Variants in WWC2 observed in about 807,000 individuals in gnomAD.
The protein encoded by WWC2 is protein WWC2.
WWC2 carries 101 observed loss-of-function variants against 138.5 expected under a neutral mutation model. That is an observed-to-expected ratio of 0.73 (90% CI 0.62 to 0.86). The LOEUF (loss-of-function observed/expected upper bound fraction) is 0.86. WWC2 is among the 40% of genes least tolerant of loss of function. The probability of loss-of-function intolerance (pLI) is 0.00; values close to 1 mark genes in which losing one functional copy is unlikely to be tolerated. For missense variants in WWC2, 1,420 were observed against 1,419.4 expected (o/e 1.00, Z -0.01); for synonymous variants, 558 against 538.4 (o/e 1.04, Z -0.50).
chr4:183,175,112 A>G (rs569802432), intron 1 of WWC2, among the ~76,000 whole-genome samples: 2 of 152,324 alleles, frequency 1.3e-5, no homozygotes, highest in Admixed American at 1.3e-4. Flanking sequence ...TTTCCCAGGA[A>G]CAAAAATATT....
intron 21 of WWC2, among the ~76,000 whole-genome samples, chr4:183,306,090 C>T (rs958586203): frequency 4.6e-5 from 7 of 151,936 alleles, no homozygotes; most frequent in African/African-American, 1.7e-4. Context: ...AATACAAACT[C>T]CAGAGCAACC....
intron 21 of WWC2, among the ~76,000 whole-genome samples, chr4:183,297,162 C>T (rs1050966570): frequency 3.3e-5 from 5 of 151,584 alleles, no homozygotes; most frequent in South Asian, 2.1e-4. Context: ...TTGTAGAAAC[C>T]GGGTTTCACT....
intron 1 of WWC2, among the ~76,000 whole-genome samples, chr4:183,167,677 CAT>C (rs2111156701): frequency 6.6e-6 from 1 of 152,104 alleles, no homozygotes; most frequent in South Asian, 2.1e-4. Context: ...AAACAAAAAA[CAT>C]GGGTGATGGA....
chr4:183,206,200 T>A (rs1735443003), intron 2 of WWC2, among the ~76,000 whole-genome samples: 1 of 152,180 alleles, frequency 6.6e-6, no homozygotes, highest in Non-Finnish European at 1.5e-5. Flanking sequence ...TTGTCCAACA[T>A]CTGAAAACCA....
At chr4:183,245,112 A>G (rs1040379096) in intron 5 of WWC2, among the ~76,000 whole-genome samples, 6 of 151,802 alleles carry the variant, frequency 4.0e-5, no homozygotes, top group African/African-American at 1.5e-4. Context: ...CTGTAATCCC[A>G]GCTACTTGGG....
chr4:183,244,295 A>G (rs982661120), intron 5 of WWC2, among the ~76,000 whole-genome samples: 1 of 152,102 alleles, frequency 6.6e-6, no homozygotes, highest in Non-Finnish European at 1.5e-5. Flanking sequence ...ACATGAAACT[A>G]TTTTTTTAAA....
rs766487216 is a variant in WWC2, at chr4:183,282,846, G to A, written c.2823G>A (p.Arg941=). ...SVPEMNEDGN[R]KESNCAKDLR... ...CTGAGATGAATGAAGACGGGAACAGGAAAGAAAGCAACTGTGCCAAAGACC... is the reference window on the plus strand; with the variant it reads ...CTGAGATGAATGAAGACGGGAACAGAAAAGAAAGCAACTGTGCCAAAGACC... The change falls in exon 18 of 23, where the codon AGG becomes AGA. Residue 941 remains arginine, a synonymous_variant. Transcript: ENST00000403733. 6.3e-7 allele frequency: 1 copy of A among 1,592,560 alleles called. No homozygotes were observed. Among genetic ancestry groups the A allele is most frequent in the Admixed American group, 1.8e-5 (1 of 56,780 alleles).
intron 1 of WWC2, among the ~76,000 whole-genome samples, chr4:183,114,558 T>C (rs1732350409): frequency 6.6e-6 from 1 of 152,146 alleles, no homozygotes; most frequent in African/African-American, 2.4e-5. Flanking sequence ...ATGAGATTAC[T>C]GGAAGAGAGG....
rs558945987 is a variant in WWC2, at chr4:183,102,796, C to T, written c.131+3174C>T. On this transcript the variant is annotated intron_variant, in intron 1 of 22. Coordinates refer to ENST00000403733, the MANE Select transcript of WWC2 (RefSeq NM_024949.6). ...TAGGTTTACCCCCTCTTCTTTTGCT[C>T]ACCATGGACCCTTTTGAACATACCA... 2.0e-5 allele frequency among the ~76,000 whole-genome samples: 3 copies of T among 152,000 alleles called. No homozygotes were observed. In the East Asian group the frequency reaches 5.8e-4, roughly 29 times the overall value.
intron 1 of WWC2, among the ~76,000 whole-genome samples, chr4:183,109,032 G>A (rs1214972882): frequency 6.6e-6 from 1 of 152,038 alleles, no homozygotes; most frequent in African/African-American, 2.4e-5. Flanking sequence ...ATCTAAGACT[G>A]TTCTAAAAAA....
intron 1 of WWC2, among the ~76,000 whole-genome samples, chr4:183,175,956 C>G (rs1002015184): frequency 6.6e-6 from 1 of 152,256 alleles, no homozygotes. Context: ...CACCTCACTT[C>G]ACCTTGCATA....
intron 1 of WWC2, among the ~76,000 whole-genome samples, chr4:183,144,061 A>T (rs1733380833): frequency 6.6e-6 from 1 of 152,054 alleles, no homozygotes; most frequent in African/African-American, 2.4e-5. Context: ...ATTATAATAA[A>T]CTCTTCTGAG....
At chr4:183,196,678 C>T (rs1177240836) in intron 2 of WWC2, among the ~76,000 whole-genome samples, 1 of 152,146 alleles carries the variant, frequency 6.6e-6, no homozygotes, top group East Asian at 1.9e-4. Flanking sequence ...TTAGGAGGAC[C>T]CTGTGCCTCC....
intron 2 of WWC2, among the ~76,000 whole-genome samples, chr4:183,199,083 T>C (rs949454023): frequency 6.6e-6 from 1 of 152,108 alleles, no homozygotes; most frequent in Non-Finnish European, 1.5e-5. Context: ...ACCAAAGAGA[T>C]GACTGAGTTA....
At chr4:183,260,153 C>T (rs768951372) in intron 10 of WWC2, among the ~76,000 whole-genome samples, 1 of 152,108 alleles carries the variant, frequency 6.6e-6, no homozygotes, top group Non-Finnish European at 1.5e-5. Context: ...TTTTTATAAG[C>T]TTGCCTTCTT....
intron 5 of WWC2, among the ~76,000 whole-genome samples, chr4:183,244,146 G>A (rs377171877): frequency 1.5e-4 from 23 of 152,216 alleles, no homozygotes; most frequent in East Asian, 9.7e-4. Context: ...CCAAAAATAT[G>A]TCTAAGAACG....
intron 1 of WWC2, among the ~76,000 whole-genome samples, chr4:183,112,244 C>T (rs560291892): frequency 6.6e-6 from 1 of 152,166 alleles, no homozygotes; most frequent in Non-Finnish European, 1.5e-5. Flanking sequence ...TATGTAGATG[C>T]ATTCTTGAGA....
Position 183,283,054 on chromosome 4 carries a change from T to C in WWC2, c.2883+148T>C, listed in dbSNP as rs1738133709. The C allele has an allele frequency of 4.1e-6, 3 of 726,906 alleles. No homozygotes were observed. In the South Asian group the frequency reaches 8.5e-5, roughly 21 times the overall value. The allele number at this position is 726,906 out of a possible 1,614,324, so 45.0% of individuals were successfully genotyped here. On this transcript the variant is annotated intron_variant, in intron 18 of 22. Coordinates refer to ENST00000403733, the MANE Select transcript of WWC2 (RefSeq NM_024949.6). Reference sequence around the variant, plus strand: ...GTGAAAGGCATATGTGGGAATAGGCTCTAAGAAGCATCATAAATGCTTTAA... The same window carrying C: ...GTGAAAGGCATATGTGGGAATAGGCCCTAAGAAGCATCATAAATGCTTTAA...
rs145382865 is a variant in WWC2, at chr4:183,307,566, C to T, written c.3385-4775C>T. On this transcript the variant is annotated intron_variant, in intron 21 of 22. Coordinates refer to ENST00000403733, the MANE Select transcript of WWC2 (RefSeq NM_024949.6). ...CAAAATATTAGCAGATCATATCCAA[C>T]TATATAGAAAAAGAATTATATACCA... Among the ~76,000 whole-genome samples the T allele has an allele frequency of 9.9e-5, 15 of 152,260 alleles. No homozygotes were observed. In the East Asian group the frequency reaches 2.9e-3, roughly 29 times the overall value.
Sources: gnomAD v4.1 joint callset for allele counts (sites outside exome capture counted in the v4.1 genomes callset) on GRCh38, gnomAD v4.1.1 for gene constraint, MANE v1.5 for transcripts, NCBI Gene and HGNC (gene_info 2026-07-23, HGNC 2026-07-21) for gene names.